The following ARHGEF6 variants were observed in gnomAD, a reference collection of about 807,000 sequenced individuals.
ARHGEF6 encodes Rac/Cdc42 guanine nucleotide exchange factor 6.
A neutral mutation model predicts 70.3 loss-of-function variants in ARHGEF6; 9 were observed. The observed-to-expected ratio is 0.13, with a 90% CI of 0.08 to 0.22. ARHGEF6 has a LOEUF of 0.22. Ranked by LOEUF, ARHGEF6 falls within the 10% of genes least tolerant of loss-of-function variation. The probability of loss-of-function intolerance (pLI) is 1.00; values close to 1 mark genes in which losing one functional copy is unlikely to be tolerated. For missense variants in ARHGEF6, 470 were observed against 563.0 expected, an observed-to-expected ratio of 0.83 and a Z score of 1.67; for synonymous variants, 201 against 207.8, an observed-to-expected ratio of 0.97 and a Z score of 0.28.
At chrX:136,737,407 TG>T in intron 5 of ARHGEF6, 1 of 216,804 alleles carries the variant, frequency 4.6e-6, no homozygotes, top group Non-Finnish European at 6.6e-6. Context: ...GCAGAGGTTG[TG>T]GTGAGCTGAG....
chrX:136,726,490 G>A (rs765287638), intron 6 of ARHGEF6, among the ~76,000 whole-genome samples: 9 of 111,905 alleles, frequency 8.0e-5, no homozygotes, highest in Non-Finnish European at 1.3e-4. Flanking sequence ...AAAAAGGTGG[G>A]TGAGCACTAG....
At chrX:136,767,323 G>A in intron 2 of ARHGEF6, 1 of 754,909 alleles carries the variant, frequency 1.3e-6, no homozygotes, top group Non-Finnish European at 1.6e-6. Context: ...CCCTGAGCGC[G>A]GCCGCCACCA....
intron 12 of ARHGEF6, among the ~76,000 whole-genome samples, chrX:136,684,761 T>C (rs1194093141): frequency 1.8e-5 from 2 of 111,579 alleles, no homozygotes; most frequent in Non-Finnish European, 3.8e-5. Context: ...CCACTTCCTG[T>C]TGGCTTTCCC....
intron 7 of ARHGEF6, among the ~76,000 whole-genome samples, chrX:136,710,794 A>G (rs1178505785): frequency 1.8e-5 from 2 of 111,349 alleles, no homozygotes; most frequent in Non-Finnish European, 3.8e-5. Context: ...AAGGAACTCA[A>G]ACAAACCAGT....
At chrX:136,769,827 A>G (rs916108037) in intron 2 of ARHGEF6, among the ~76,000 whole-genome samples, 1 of 112,331 alleles carries the variant, frequency 8.9e-6, no homozygotes, top group African/African-American at 3.2e-5. Context: ...TTGGGACCTG[A>G]GTATTTTCCC....
intron 6 of ARHGEF6, among the ~76,000 whole-genome samples, chrX:136,715,739 A>G (rs923325275): frequency 9.0e-6 from 1 of 110,991 alleles, no homozygotes; most frequent in Non-Finnish European, 1.9e-5. Context: ...GCACACTCAC[A>G]CTTTTGTGAG....
At chrX:136,730,309 T>A (rs1375126003) in intron 6 of ARHGEF6, among the ~76,000 whole-genome samples, 2 of 111,413 alleles carry the variant, frequency 1.8e-5, no homozygotes, top group Non-Finnish European at 3.8e-5. Context: ...AGATTTTTTT[T>A]ATTCAACACA....
chrX:136,710,860 C>T, intron 7 of ARHGEF6, among the ~76,000 whole-genome samples: 1 of 111,841 alleles, frequency 8.9e-6, no homozygotes, highest in East Asian at 2.8e-4. Context: ...TGAACACACA[C>T]TTCTTAAAAG....
intron 20 of ARHGEF6, 119 bp downstream of exon 20, chrX:136,671,901 G>A (rs1249311657): frequency 5.1e-5 from 30 of 592,596 alleles, no homozygotes; most frequent in Non-Finnish European, 7.3e-5. Flanking sequence ...AAAGCAGGCC[G>A]CATTCCCAGG....
At chrX:136,673,826 C>G (rs1278343598) in intron 19 of ARHGEF6, among the ~76,000 whole-genome samples, 1 of 110,750 alleles carries the variant, frequency 9.0e-6, no homozygotes, top group African/African-American at 3.3e-5. Flanking sequence ...CTTTCTTTCT[C>G]TCTCTCTTTC....
intron 2 of ARHGEF6, among the ~76,000 whole-genome samples, chrX:136,772,892 T>C (rs1259960777): frequency 9.0e-6 from 1 of 111,463 alleles, no homozygotes; most frequent in African/African-American, 3.3e-5. Flanking sequence ...ACAAAAAAAA[T>C]TGTGTTACAA....
rs886651280 is a variant in ARHGEF6, at chrX:136,712,146, T to C, written c.827+1130A>G. On this transcript the variant is annotated intron_variant, in intron 7 of 21. Coordinates refer to ENST00000250617, the MANE Select transcript of ARHGEF6 (RefSeq NM_004840.3). ...TGTTTTCACATGGAGTCTTGCTCTG[T>C]CTCCCAAGCTGGAATGCAGTGATGT... 3.6e-5 allele frequency among the ~76,000 whole-genome samples: 4 copies of C among 111,669 alleles called. No individual in the cohort carries two copies. The Admixed American group carries it at 3.8e-4, about 11-fold the overall frequency.
At position 136,745,203 on chromosome X, in the gene ARHGEF6, G is replaced by T. The variant is rs748837195; in HGVS notation, c.459+20C>A. On this transcript the variant is annotated intron_variant, in intron 4 of 21. Coordinates refer to ENST00000250617, the MANE Select transcript of ARHGEF6 (RefSeq NM_004840.3). ...TTTTATGGATTTTAAAACAGACGGA[G>T]AATTGGGGACTATACTTACCACTGT... 8.3e-7 allele frequency: 1 copy of T among 1,210,804 alleles called. No homozygotes were observed. Among genetic ancestry groups the T allele is most frequent in the Non-Finnish European group, 1.1e-6 (1 of 894,528 alleles).
intron 6 of ARHGEF6, among the ~76,000 whole-genome samples, chrX:136,714,052 T>C (rs1338374473): frequency 2.7e-5 from 3 of 112,050 alleles, no homozygotes; most frequent in Non-Finnish European, 5.6e-5. Flanking sequence ...AAAACTAGTC[T>C]TTTCTTAAAG....
Position 136,747,817 on chromosome X carries a change from T to C in ARHGEF6, c.250-225A>G, listed in dbSNP as rs541030937. Among the ~76,000 whole-genome samples the C allele has an allele frequency of 2.0e-4, 21 of 106,625 alleles. No homozygotes were observed. In the East Asian group the frequency reaches 5.3e-3, roughly 27 times the overall value. 92.6% of individuals were successfully genotyped at this position (106,625 alleles called of 115,157 possible). On this transcript the variant is annotated intron_variant, in intron 2 of 21. Transcript: ENST00000250617. Reference sequence around the variant, plus strand: ...TCAGTGAGTCAGAGCAAAGCAGTAATGGGAAATGAGAGCCAAGCTGAGAAG... The same window carrying C: ...TCAGTGAGTCAGAGCAAAGCAGTAACGGGAAATGAGAGCCAAGCTGAGAAG...
intron 2 of ARHGEF6, chrX:136,767,407 G>C (rs2077327410): frequency 1.3e-6 from 1 of 754,278 alleles, no homozygotes. Context: ...CTGGACGCGG[G>C]CGAGGAGGGG....
At chrX:136,762,645 C>T (rs913311382) in intron 2 of ARHGEF6, among the ~76,000 whole-genome samples, 7 of 111,355 alleles carry the variant, frequency 6.3e-5, no homozygotes, top group East Asian at 2.8e-4. Flanking sequence ...GCTTGTGCCA[C>T]GATGCCTGGC....
chrX:136,729,266 G>C (rs1276509010), intron 6 of ARHGEF6, among the ~76,000 whole-genome samples: 6 of 105,801 alleles, frequency 5.7e-5, no homozygotes, highest in Non-Finnish European at 1.2e-4. Context: ...TCAGGAGTTC[G>C]AGACCAGCCT....
intron 6 of ARHGEF6, among the ~76,000 whole-genome samples, chrX:136,725,963 C>T (rs755618825): frequency 2.7e-5 from 3 of 111,804 alleles, no homozygotes; most frequent in South Asian, 7.4e-4. Flanking sequence ...ACTATGTTTT[C>T]CAAAGGGAAG....
Sources: gnomAD v4.1 joint callset for allele counts (sites outside exome capture counted in the v4.1 genomes callset) on GRCh38, gnomAD v4.1.1 for gene constraint, MANE v1.5 for transcripts, NCBI Gene and HGNC (gene_info 2026-07-23, HGNC 2026-07-21) for gene names.